The following SLC1A5 variants were observed in gnomAD, a reference collection of about 807,000 sequenced individuals.
SLC1A5 encodes neutral amino acid transporter B(0).
SLC1A5 carries 25 observed loss-of-function variants against 34.9 expected under a neutral mutation model. The ratio of observed to expected loss-of-function variants is 0.72; its 90% CI spans 0.52 to 1.00. The LOEUF is 1.00. SLC1A5 is among the 50% of genes least tolerant of loss of function. The probability of loss-of-function intolerance (pLI) is 0.00; values close to 1 mark genes in which losing one functional copy is unlikely to be tolerated. For synonymous variants in SLC1A5, 351 were observed against 341.2 expected, an observed-to-expected ratio of 1.03 and a Z score of -0.32; for missense variants, 637 against 740.0, an observed-to-expected ratio of 0.86 and a Z score of 1.61.
rs189689477 is a variant in SLC1A5 at position 46,781,320 on chromosome 19, C to T, written c.824+1063G>A. ...TCCAAGCCAAGAGGACTCCCAAGTC[C>T]GGGCGCGGTGGCTCACGCCTGTAAT... On this transcript the variant is annotated intron_variant, in intron 4 of 7. Coordinates refer to ENST00000542575, the MANE Select transcript of SLC1A5 (RefSeq NM_005628.3). Among the ~76,000 whole-genome samples, 41 of 152,314 alleles carry T rather than the reference C, an allele frequency of 2.7e-4. No individual in the cohort carries two copies. In the East Asian group the frequency reaches 7.3e-3, roughly 27 times the overall value.
At chr19:46,784,852 C>A (rs149757730) in intron 1 of SLC1A5, 3 of 1,389,640 alleles carry the variant, frequency 2.2e-6, no homozygotes, top group Non-Finnish European at 1.9e-6. Flanking sequence ...CAGGGCAGGT[C>A]GCCCCGGGCC....
At chr19:46,776,419 G>A (rs1256585645) in intron 7 of SLC1A5, among the ~76,000 whole-genome samples, 1 of 152,000 alleles carries the variant, frequency 6.6e-6, no homozygotes, top group Non-Finnish European at 1.5e-5. Context: ...TGTTGGTCAG[G>A]CTTGTCTCAA....
chr19:46,782,342 T>TGCCAACCCCCCCCCCCCCC, intron 4 of SLC1A5, 41 bp downstream of exon 4: 2 of 523,372 alleles, frequency 3.8e-6, no homozygotes, highest in Non-Finnish European at 3.5e-6. Context: ...AGACCGACCC[T>TGCCAACCCCCCCCCCCCCC]CCAACCCCAC....
intron 2 of SLC1A5, 82 bp from the exon 3 acceptor site, chr19:46,784,226 C>T (rs2055169842): frequency 2.8e-6 from 3 of 1,090,568 alleles, no homozygotes; most frequent in Non-Finnish European, 4.2e-6. Context: ...TGCTCAAAGC[C>T]TGCCCTTCCA....
At chr19:46,785,006 C>A (rs937256364) in intron 1 of SLC1A5, 2 of 404,366 alleles carry the variant, frequency 4.9e-6, no homozygotes, top group African/African-American at 2.1e-5. Flanking sequence ...AGAAAAGGGA[C>A]GGCTTCATAT....
chr19:46,781,540 G>A (rs922824327), intron 4 of SLC1A5, among the ~76,000 whole-genome samples: 2 of 152,152 alleles, frequency 1.3e-5, no homozygotes, highest in Non-Finnish European at 2.9e-5. Flanking sequence ...GGAGTTTGCA[G>A]TGAGCTGAGA....
intron 5 of SLC1A5, 21 bp downstream of exon 5, chr19:46,778,654 T>G: frequency 1.6e-5 from 10 of 644,440 alleles, no homozygotes; most frequent in Non-Finnish European, 2.9e-5. Context: ...CATCCCACCC[T>G]AGCCCACCCC....
chr19:46,786,895 CAG>C (rs1204632039), intron 1 of SLC1A5, among the ~76,000 whole-genome samples: 1 of 152,166 alleles, frequency 6.6e-6, no homozygotes, highest in African/African-American at 2.4e-5. Flanking sequence ...AGGCCAAAAA[CAG>C]AGCCTGGTTA....
In SLC1A5 at chr19:46,787,501, C is replaced by G; in HGVS notation, c.465G>C (p.Pro155=). 6.3e-7 allele frequency: 1 copy of G among 1,582,296 alleles called. No individual in the cohort carries two copies. The highest frequency in any genetic ancestry group is 8.6e-7 in the Non-Finnish European group (1 of 1,165,226). Residue 155 remains proline (P), a synonymous_variant, in exon 1 of 8, where the codon CCG becomes CCC. Transcript: ENST00000542575. The surrounding 1 kb of genome is among the most constrained non-coding windows in gnomAD (Gnocchi z 5.2). ...LGVGLALALQ[P]GAASAAINAS... is the part of the protein sequence containing the mutation. ...CGTTGATGGCGGCGGAGGCGGCGCC[C>G]GGCTGCAGAGCCAGCGCCAAGCCCA... is the stretch of plus-strand genomic sequence containing the variant.
chr19:46,784,254 CTCA>C, intron 2 of SLC1A5, 110 bp from the exon 3 acceptor site: 1 of 878,754 alleles, frequency 1.1e-6, no homozygotes, highest in Non-Finnish European at 1.8e-6. Context: ...TCAATGTGAT[CTCA>C]TTTCATCTGC....
chr19:46,781,374 G>A (rs1456354577), intron 4 of SLC1A5, among the ~76,000 whole-genome samples: 3 of 152,038 alleles, frequency 2.0e-5, no homozygotes, highest in Non-Finnish European at 1.5e-5. Flanking sequence ...CGAGGTGGGC[G>A]GATCACCTGA....
chr19:46,782,342 T>TACCACCCCCCCCCCCCCCCCCCCCC, intron 4 of SLC1A5, 41 bp downstream of exon 4: 2 of 523,370 alleles, frequency 3.8e-6, no homozygotes, highest in Non-Finnish European at 3.5e-6. Flanking sequence ...AGACCGACCC[T>TACCACCCCCCCCCCCCCCCCCCCCC]CCAACCCCAC....
rs73566944 is a variant in SLC1A5, at chr19:46,785,197, A to G, written c.567-638T>C. Among the ~76,000 whole-genome samples the G allele has an allele frequency of 6.1e-3, 926 of 152,314 alleles. 16 individuals carry two copies. Among genetic ancestry groups the G allele is most frequent in the African/African-American group, 0.02 (834 of 41,562 alleles). ...GGAGTTGAAGACCAACCTGGGCAAC[A>G]TGACGAAACCGTGTCTCTACAAAAA... On this transcript the variant is annotated intron_variant, in intron 1 of 7. Transcript: ENST00000542575.
intron 1 of SLC1A5, among the ~76,000 whole-genome samples, chr19:46,786,801 G>A (rs534200835): frequency 7.6e-4 from 115 of 152,294 alleles, no homozygotes; most frequent in Admixed American, 2.2e-3. Flanking sequence ...AGGAGGAAAC[G>A]GGAGGGAAAG....
At chr19:46,785,943 G>A (rs2055182829) in intron 1 of SLC1A5, among the ~76,000 whole-genome samples, 1 of 151,982 alleles carries the variant, frequency 6.6e-6, no homozygotes, top group Non-Finnish European at 1.5e-5. Flanking sequence ...ATCCAGGCGT[G>A]GTGGCACACG....
intron 4 of SLC1A5, among the ~76,000 whole-genome samples, chr19:46,780,797 C>T (rs553115732): frequency 6.6e-6 from 1 of 151,918 alleles, no homozygotes; most frequent in East Asian, 2.0e-4. Context: ...ATGGCAAAAC[C>T]CTGTCTCTAC....
chr19:46,775,224 G>T lies in SLC1A5; in HGVS notation c.*286C>A. On this transcript the variant is annotated 3_prime_UTR_variant, in exon 8 of 8. Coordinates refer to ENST00000542575, the MANE Select transcript of SLC1A5 (RefSeq NM_005628.3). The stretch of plus-strand genomic sequence containing the variant: ...CCCTGAGACAGGGGAGGCCAGGCAG[G>T]TCACGGTGGGGACGCAGCAGAACAT... 1 of 1,119,018 alleles carries T rather than the reference G, an allele frequency of 8.9e-7. No homozygotes were observed. The highest frequency in any genetic ancestry group is 1.1e-6 in the Non-Finnish European group (1 of 912,608). The allele number at this position is 1,119,018 out of a possible 1,614,324, so 69.3% of individuals were successfully genotyped here.
intron 2 of SLC1A5, 50 bp downstream of exon 2, chr19:46,784,467 C>T (rs1263828453): frequency 1.2e-6 from 2 of 1,606,328 alleles, no homozygotes; most frequent in African/African-American, 1.3e-5. Context: ...CCCTGGCTGG[C>T]ATCCCTCCCT....
At position 46,775,093 on chromosome 19, in the gene SLC1A5, G is replaced by GCA. The variant is rs1031587228; in HGVS notation, c.*415_*416dup. 8.8e-6 allele frequency: 9 copies of GCA among 1,019,498 alleles called. No individual in the cohort carries two copies. The highest frequency in any genetic ancestry group is 1.8e-5 in the African/African-American group (1 of 56,172). 63.2% of individuals were successfully genotyped at this position (1,019,498 alleles called of 1,614,324 possible). A position where few individuals can be genotyped will look rare whatever the true frequency, so the allele number is the denominator to read the frequency against. On this transcript the variant is annotated 3_prime_UTR_variant, in exon 8 of 8. Transcript: ENST00000542575. The stretch of plus-strand genomic sequence containing the variant: ...CACACACACACACACACACACACGT[G>GCA]CACACACACATCCCCCCACAACTAC...
Sources: gnomAD v4.1 joint callset for allele counts (sites outside exome capture counted in the v4.1 genomes callset) on GRCh38, gnomAD v4.1.1 for gene constraint, Gnocchi (gnomAD v3.1) non-coding constraint, MANE v1.5 for transcripts, NCBI Gene and HGNC (gene_info 2026-07-23, HGNC 2026-07-21) for gene names.